DNAH3: variants seen among roughly 807,000 people sequenced by gnomAD.
DNAH3 encodes dynein axonemal heavy chain 3.
A neutral mutation model predicts 432.5 loss-of-function variants in DNAH3; 332 were observed. That is an observed-to-expected ratio of 0.77 (90% confidence interval 0.70 to 0.84). The LOEUF (loss-of-function observed/expected upper bound fraction) is 0.84. Among genes scored for constraint, DNAH3 ranks in the 40% least tolerant of loss-of-function variants. The pLI, the probability that DNAH3 is intolerant of heterozygous loss-of-function variation, is 0.00. For missense variants in DNAH3, 4,861 were observed against 5,114.0 expected, an observed-to-expected ratio of 0.95 and a Z score of 1.51; for synonymous variants, 1,956 against 1,900.2, an observed-to-expected ratio of 1.03 and a Z score of -0.76.
At chr16:21,135,212 T>C (rs2092625662) in intron 6 of DNAH3, among the ~76,000 whole-genome samples, 1 of 152,140 alleles carries the variant, frequency 6.6e-6, no homozygotes, top group South Asian at 2.1e-4. Flanking sequence ...GAAATAGGAT[T>C]TGCTGATAAC....
exon 50 of DNAH3, chr16:20,979,500 A>G: frequency 6.2e-7 from 1 of 1,614,114 alleles, no homozygotes; most frequent in Non-Finnish European, 8.5e-7. Flanking sequence ...TAATCGAGTG[A>G]CAGCTTCTTG....
intron 2 of DNAH3, 49 bp downstream of exon 3, chr16:21,145,935 C>A: frequency 8.3e-7 from 1 of 1,209,210 alleles, no homozygotes; most frequent in Non-Finnish European, 1.2e-6. Flanking sequence ...GGGGGATGCA[C>A]TTCACCTCCT....
intron 14 of DNAH3, among the ~76,000 whole-genome samples, chr16:21,107,754 C>T (rs1464145761): frequency 6.6e-6 from 1 of 152,136 alleles, no homozygotes; most frequent in African/African-American, 2.4e-5. Context: ...ATCTTAACTA[C>T]AATTAGAAGC....
chr16:21,041,593 C>T (rs1260716592), intron 32 of DNAH3, among the ~76,000 whole-genome samples: 1 of 152,174 alleles, frequency 6.6e-6, no homozygotes, highest in Non-Finnish European at 1.5e-5. Context: ...GTAGCTGGGT[C>T]TCTCTTATCA....
At chr16:21,060,589 A>T (rs1356244239) in intron 25 of DNAH3, among the ~76,000 whole-genome samples, 1 of 126,512 alleles carries the variant, frequency 7.9e-6, no homozygotes, top group Non-Finnish European at 1.5e-5. Flanking sequence ...CACTGTCATG[A>T]TCTTGGCTCA....
At chr16:21,050,124 G>A in intron 29 of DNAH3, 106 bp from the exon 30 acceptor site, 1 of 800,450 alleles carries the variant, frequency 1.2e-6, no homozygotes, top group Non-Finnish European at 2.0e-6. Context: ...TAGTGCAAAA[G>A]TGATTGCAGT....
chr16:21,101,836 T>C (rs576369212), intron 16 of DNAH3, among the ~76,000 whole-genome samples: 163 of 152,218 alleles, frequency 1.1e-3, no homozygotes, highest in Admixed American at 2.7e-3. Context: ...CAGGGCTCTG[T>C]GGACAGGGCC....
At chr16:21,151,033 G>T (rs1471394363) in intron 1 of DNAH3, among the ~76,000 whole-genome samples, 187 bp from the exon 1 acceptor site, 2 of 152,172 alleles carry the variant, frequency 1.3e-5, no homozygotes, top group African/African-American at 4.8e-5. Flanking sequence ...GAATAACAGA[G>T]GCAACAGCAA....
At chr16:20,969,575 C>T (rs372546046) in intron 52 of DNAH3, among the ~76,000 whole-genome samples, 4 of 152,370 alleles carry the variant, frequency 2.6e-5, no homozygotes, top group African/African-American at 9.6e-5. Flanking sequence ...CCTACAGATA[C>T]CTGCATTTTT....
At chr16:20,943,639 A>G (rs1010940759) in intron 58 of DNAH3, among the ~76,000 whole-genome samples, 2 of 152,196 alleles carry the variant, frequency 1.3e-5, no homozygotes, top group African/African-American at 4.8e-5. Flanking sequence ...AAGCCAGCAA[A>G]GCCTCAGCTC....
intron 50 of DNAH3, among the ~76,000 whole-genome samples, chr16:20,977,301 C>T (rs1238653225): frequency 6.6e-6 from 1 of 152,224 alleles, no homozygotes; most frequent in African/African-American, 2.4e-5. Context: ...TGCTTGAATG[C>T]GGGAGGTGGA....
chr16:20,975,103 T>C (rs2085524766), intron 51 of DNAH3, 130 bp downstream of exon 51: 1 of 1,097,446 alleles, frequency 9.1e-7, no homozygotes, highest in African/African-American at 1.6e-5. Context: ...AGTGCTGGGA[T>C]TACAGCTGTG....
intron 12 of DNAH3, among the ~76,000 whole-genome samples, 155 bp from the exon 13 acceptor site, chr16:21,112,253 G>T (rs2092094011): frequency 6.6e-6 from 1 of 152,140 alleles, no homozygotes; most frequent in Non-Finnish European, 1.5e-5. Flanking sequence ...ATTAAACAGA[G>T]AACTCAGAAT....
At chr16:20,974,985 G>A (rs1314658985) in intron 51 of DNAH3, among the ~76,000 whole-genome samples, 2 of 120,794 alleles carry the variant, frequency 1.7e-5, no homozygotes, top group Admixed American at 9.0e-5. Context: ...CACCTGGCTA[G>A]TTTTTTTTTT....
chr16:20,996,951 C>T (rs888968548), intron 44 of DNAH3: 1 of 230,542 alleles, frequency 4.3e-6, no homozygotes, highest in Admixed American at 5.1e-5. Flanking sequence ...ATAACGAATA[C>T]AATGGATGAC....
intron 26 of DNAH3, 34 bp downstream of exon 26, chr16:21,060,230 G>C: frequency 6.5e-7 from 1 of 1,533,740 alleles, no homozygotes; most frequent in South Asian, 1.1e-5. Flanking sequence ...TAGTGCACTA[G>C]TGTCCTGGCA....
exon 17 of DNAH3, chr16:21,098,755 T>C: frequency 6.2e-7 from 1 of 1,608,612 alleles, no homozygotes; most frequent in East Asian, 2.2e-5. Context: ...AAGTCTCAAC[T>C]CAAATTCTGA....
chr16:21,059,996 A>T (rs1362658487), intron 26 of DNAH3, among the ~76,000 whole-genome samples: 1 of 152,118 alleles, frequency 6.6e-6, no homozygotes, highest in African/African-American at 2.4e-5. Flanking sequence ...CGTGCCATTA[A>T]TCCCATTTGA....
At chr16:21,158,790 T>A (rs915254491) in intron 1 of DNAH3, 1 of 153,746 alleles carries the variant, frequency 6.5e-6, no homozygotes, top group African/African-American at 2.4e-5. Context: ...GTGCCCCGGG[T>A]GGCTAGACCC....
Sources: gnomAD v4.1 joint callset for allele counts (sites outside exome capture counted in the v4.1 genomes callset) on GRCh38, gnomAD v4.1.1 for gene constraint, MANE v1.5 for transcripts, NCBI Gene and HGNC (gene_info 2026-07-23, HGNC 2026-07-21) for gene names.